The following ARID4B variants were observed in gnomAD, a reference collection of about 807,000 sequenced individuals.
The protein encoded by ARID4B is AT-rich interactive domain-containing protein 4B.
Under a neutral mutation model 147.5 loss-of-function variants are expected in ARID4B, and 26 were observed. The ratio of observed to expected loss-of-function variants is 0.18; its 90% confidence interval spans 0.13 to 0.24. The LOEUF (loss-of-function observed/expected upper bound fraction) is 0.24, where lower values mean the gene tolerates loss of function less well. Ranked by LOEUF, ARID4B falls within the 10% of genes least tolerant of loss-of-function variation. The probability of loss-of-function intolerance (pLI) is 1.00; values close to 1 mark genes in which losing one functional copy is unlikely to be tolerated. For synonymous variants in ARID4B, 512 were observed against 507.9 expected, an observed-to-expected ratio of 1.01 and a Z score of -0.11; for missense variants, 1,179 against 1,511.5, an observed-to-expected ratio of 0.78 and a Z score of 3.65.
chr1:235,175,549 G>C (rs1185873978), intron 21 of ARID4B, 150 bp from the exon 22 acceptor site: 2 of 642,274 alleles, frequency 3.1e-6, no homozygotes, highest in Admixed American at 6.0e-5. Context: ...AAATGCAGCA[G>C]CATCTTAGGA....
intron 8 of ARID4B, among the ~76,000 whole-genome samples, chr1:235,236,040 C>T (rs755129208): frequency 1.1e-4 from 16 of 151,948 alleles, no homozygotes; most frequent in South Asian, 2.1e-4. Context: ...GATCCTCCCA[C>T]CTCAGTCTCC....
intron 2 of ARID4B, among the ~76,000 whole-genome samples, chr1:235,301,445 G>A (rs940284901): frequency 3.3e-5 from 5 of 151,628 alleles, no homozygotes; most frequent in African/African-American, 1.2e-4. Context: ...AGACTGAGGT[G>A]GGAGGATCGC....
At position 235,177,901 on chromosome 1, in the gene ARID4B, T is replaced by G; in HGVS notation, c.3347A>C (p.Gln1116Pro). Reference sequence around the variant, plus strand: ...TCCCTGAGCATCTTTCACTCTTTTCTGACCTGTACAGGCTATGAAGGGAAA... The same window carrying G: ...TCCCTGAGCATCTTTCACTCTTTTCGGACCTGTACAGGCTATGAAGGGAAA... ...PEHPEKACTG[Q>P]KRVKDAQGGG... Residue 1116 changes from glutamine to proline, a missense_variant, in exon 21 of 24, where the codon CAG becomes CCG. By Grantham distance (76) the Gln-to-Pro change is moderately conservative (BLOSUM62 -1). Transcript: ENST00000264183. 1 of 1,604,894 alleles carries G rather than the reference T, an allele frequency of 6.2e-7. No individual in the cohort carries two copies. Among genetic ancestry groups the G allele is most frequent in the South Asian group, 1.1e-5 (1 of 89,844 alleles).
intron 2 of ARID4B, among the ~76,000 whole-genome samples, chr1:235,283,831 T>A (rs1671809117): frequency 6.6e-6 from 1 of 152,062 alleles, no homozygotes; most frequent in Admixed American, 6.5e-5. Context: ...CGCCTCCCAG[T>A]TCAAGCGATT....
At chr1:235,278,669 T>C (rs1274604527) in intron 2 of ARID4B, among the ~76,000 whole-genome samples, 1 of 152,214 alleles carries the variant, frequency 6.6e-6, no homozygotes, top group African/African-American at 2.4e-5. Flanking sequence ...ATTTCTTATG[T>C]TGATCTACAA....
At chr1:235,326,793 C>A in intron 2 of ARID4B, 121 bp downstream of exon 2, 2 of 1,323,210 alleles carry the variant, frequency 1.5e-6, no homozygotes, top group Middle Eastern at 2.0e-4. Flanking sequence ...GGCTCGGTCA[C>A]CAAGTCACCA....
intron 2 of ARID4B, among the ~76,000 whole-genome samples, chr1:235,323,780 G>A (rs1390355915): frequency 2.0e-5 from 3 of 149,388 alleles, no homozygotes; most frequent in Non-Finnish European, 4.4e-5. Flanking sequence ...GCAAAAGTCC[G>A]TCTTAAAAAA....
chr1:235,200,324 T>G (rs1665814525), intron 17 of ARID4B, among the ~76,000 whole-genome samples: 1 of 152,098 alleles, frequency 6.6e-6, no homozygotes, highest in African/African-American at 2.4e-5. Flanking sequence ...CCAGGCGTGG[T>G]AGCGGGCGCC....
rs1165266830 is a variant in ARID4B, at chr1:235,182,628, T to G, written c.2291A>C (p.Lys764Thr). Residue 764 changes from lysine (K) to threonine (T), a missense_variant, in exon 20 of 24, where the codon AAA becomes ACA. Transcript: ENST00000264183. ...QNSSSLLEENKVHADLVISKP... is the reference protein window; with the variant it reads ...QNSSSLLEENTVHADLVISKP... ...GGATATTACCAAATCTGCATGAACT[T>G]TGTTTTCTTCTAGCAAAGATGAACT... The G allele has an allele frequency of 1.9e-6, 3 of 1,613,606 alleles. No homozygotes were observed. The highest frequency in any genetic ancestry group is 2.5e-6 in the Non-Finnish European group (3 of 1,179,986).
intron 6 of ARID4B, among the ~76,000 whole-genome samples, chr1:235,247,344 T>C (rs1017123814): frequency 3.3e-5 from 5 of 152,202 alleles, no homozygotes; most frequent in African/African-American, 9.6e-5. Context: ...TCTAAACTAA[T>C]GTAATATGTA....
intron 6 of ARID4B, among the ~76,000 whole-genome samples, chr1:235,251,591 C>T (rs989745825): frequency 6.6e-6 from 1 of 151,250 alleles, no homozygotes; most frequent in South Asian, 2.1e-4. Context: ...TTAAAATATC[C>T]CCAAAGAAAC....
At chr1:235,236,854 ATATATATATTTTTTTTTT>A (rs1668629073) in intron 8 of ARID4B, among the ~76,000 whole-genome samples, 1 of 38,010 alleles carries the variant, frequency 2.6e-5, no homozygotes, top group African/African-American at 8.5e-5. Context: ...ATATATATAT[ATATATATATTTTTTTTTT>A]TTTTTTTTTT....
At chr1:235,209,556 G>GTTTTTTTT (rs547505296) in intron 17 of ARID4B, among the ~76,000 whole-genome samples, 2 of 147,036 alleles carry the variant, frequency 1.4e-5, no homozygotes, top group African/African-American at 2.6e-5. Context: ...TGATTTTTTT[G>GTTTTTTTT]TTTTTTGTTT....
chr1:235,259,095 G>C (rs1173683352), intron 3 of ARID4B, among the ~76,000 whole-genome samples: 1 of 152,022 alleles, frequency 6.6e-6, no homozygotes, highest in African/African-American at 2.4e-5. Flanking sequence ...AAATTTTTAG[G>C]GCAGCCGAAA....
chr1:235,219,252 G>C (rs1667290054), intron 16 of ARID4B, among the ~76,000 whole-genome samples: 2 of 151,994 alleles, frequency 1.3e-5, no homozygotes, highest in South Asian at 2.1e-4. Context: ...TCAGAAAAAA[G>C]ATTCAATGCC....
chr1:235,326,316 ACAT>A (rs1472066336), intron 2 of ARID4B, among the ~76,000 whole-genome samples: 1 of 152,222 alleles, frequency 6.6e-6, no homozygotes, highest in Non-Finnish European at 1.5e-5. Flanking sequence ...AGTTTTCCAC[ACAT>A]CATAATGCAA....
rs776787285 is a variant in ARID4B at position 235,167,615 on chromosome 1, G to T, written c.*910C>A. The T allele has an allele frequency of 1.4e-5, 3 of 212,894 alleles. No homozygotes were observed. Among genetic ancestry groups the T allele is most frequent in the African/African-American group, 4.5e-5 (2 of 44,174 alleles). 13.2% of individuals were successfully genotyped at this position (212,894 alleles called of 1,614,324 possible). On this transcript the variant is annotated 3_prime_UTR_variant, in exon 24 of 24. Coordinates refer to ENST00000264183, the MANE Select transcript of ARID4B (RefSeq NM_016374.6). ...CATTACTTGTTCCTGAAGTCCTTTT[G>T]TTGTAGCTCATAATAAAATAAGCAA...
At chr1:235,198,070 A>G (rs1665624184) in intron 17 of ARID4B, among the ~76,000 whole-genome samples, 1 of 152,230 alleles carries the variant, frequency 6.6e-6, no homozygotes, top group African/African-American at 2.4e-5. Flanking sequence ...CAAGATATCA[A>G]CTTTGTTTTT....
intron 3 of ARID4B, 88 bp downstream of exon 3, chr1:235,260,554 T>G: frequency 1.1e-6 from 1 of 943,556 alleles, no homozygotes; most frequent in Non-Finnish European, 1.5e-6. Flanking sequence ...AAACTTATTT[T>G]GCAGAAAAAT....
Sources: gnomAD v4.1 joint callset for allele counts (sites outside exome capture counted in the v4.1 genomes callset) on GRCh38, gnomAD v4.1.1 for gene constraint, MANE v1.5 for transcripts, NCBI Gene and HGNC (gene_info 2026-07-23, HGNC 2026-07-21) for gene names.